The following ANO6 variants were observed in gnomAD, a reference collection of about 807,000 sequenced individuals.
ANO6 encodes the protein anoctamin 6, also known as anoctamin-6.
A neutral mutation model predicts 117.5 loss-of-function variants in ANO6; 106 were observed. That is an observed-to-expected ratio of 0.90 (90% CI 0.77 to 1.06). The LOEUF is 1.06. ANO6 is among the 50% of genes least tolerant of loss of function. The pLI, the probability that ANO6 is intolerant of heterozygous loss-of-function variation, is 0.00. For synonymous variants in ANO6, 367 were observed against 385.1 expected (o/e 0.95, Z 0.55); for missense variants, 955 against 1,121.1 (o/e 0.85, Z 2.12).
chr12:45,278,227 G>C (rs1309898925), intron 1 of ANO6, among the ~76,000 whole-genome samples: 1 of 152,290 alleles, frequency 6.6e-6, no homozygotes, highest in Non-Finnish European at 1.5e-5. Flanking sequence ...AGAGTGCTGG[G>C]ATTACAGGTG....
chr12:45,392,494 G>T (rs1215036761), intron 12 of ANO6, among the ~76,000 whole-genome samples: 2 of 152,244 alleles, frequency 1.3e-5, no homozygotes, highest in African/African-American at 4.8e-5. Flanking sequence ...GAAGAGAGCA[G>T]TGGTTCTCCC....
At chr12:45,239,717 A>T (rs1403422821) in intron 1 of ANO6, among the ~76,000 whole-genome samples, 1 of 152,064 alleles carries the variant, frequency 6.6e-6, no homozygotes, top group Non-Finnish European at 1.5e-5. Flanking sequence ...CACTGCTTTA[A>T]ATGTGTCCCA....
At chr12:45,289,170 C>CTTT (rs11410863) in intron 1 of ANO6, among the ~76,000 whole-genome samples, 11 of 135,684 alleles carry the variant, frequency 8.1e-5, no homozygotes, top group Non-Finnish European at 1.4e-4. Context: ...ATTATTATTA[C>CTTT]TTTTTTTTTT....
intron 2 of ANO6, among the ~76,000 whole-genome samples, chr12:45,320,524 G>A (rs1440232932): frequency 6.6e-6 from 1 of 152,172 alleles, no homozygotes; most frequent in African/African-American, 2.4e-5. Context: ...TTGCTGAGGA[G>A]TGCTTTACTT....
chr12:45,403,280 T>C, intron 14 of ANO6, 39 bp downstream of exon 14: 1 of 1,603,932 alleles, frequency 6.2e-7, no homozygotes, highest in South Asian at 1.1e-5. Context: ...CAGTTTAAGC[T>C]GAGTTTTCTC....
intron 9 of ANO6, among the ~76,000 whole-genome samples, chr12:45,373,100 C>T (rs1367718098): frequency 6.6e-6 from 1 of 151,820 alleles, no homozygotes; most frequent in South Asian, 2.1e-4. Context: ...CAACAAAGAT[C>T]AAAAGAGACA....
intron 3 of ANO6, among the ~76,000 whole-genome samples, chr12:45,340,157 A>C (rs2137426405): frequency 6.6e-6 from 1 of 152,256 alleles, no homozygotes; most frequent in East Asian, 1.9e-4. Context: ...GTAGGGATAG[A>C]AAGCTTCCTT....
At chr12:45,418,297 A>G (rs10506262) in intron 17 of ANO6, among the ~76,000 whole-genome samples, 25,939 of 152,076 alleles carry the variant, frequency 0.17, 3,224 homozygotes, top group East Asian at 0.45. Flanking sequence ...TATCTGTACT[A>G]TTTGGAGAAA....
chr12:45,345,523 A>T (rs17095779), intron 3 of ANO6, among the ~76,000 whole-genome samples: 3,195 of 152,274 alleles, frequency 0.021, 48 homozygotes, highest in South Asian at 0.045. Flanking sequence ...CTGCTGTGCT[A>T]AATATTCCAC....
chr12:45,370,866 C>A (rs370912941), intron 9 of ANO6, among the ~76,000 whole-genome samples: 1 of 152,102 alleles, frequency 6.6e-6, no homozygotes, highest in Non-Finnish European at 1.5e-5. Flanking sequence ...GCCAAGATGG[C>A]CGAATAGGAA....
At chr12:45,348,744 A>G in intron 6 of ANO6, 113 bp downstream of exon 6, 1 of 807,876 alleles carries the variant, frequency 1.2e-6, no homozygotes, top group Non-Finnish European at 2.2e-6. Flanking sequence ...AATGAAGGGA[A>G]CATACTGCAA....
intron 1 of ANO6, among the ~76,000 whole-genome samples, chr12:45,219,747 A>T (rs1398413636): frequency 6.6e-6 from 1 of 152,108 alleles, no homozygotes; most frequent in Non-Finnish European, 1.5e-5. Context: ...TGTTTGTTTA[A>T]GTTACAGCCA....
chr12:45,292,951 A>C (rs1206152785), intron 1 of ANO6: 1 of 1,551,056 alleles, frequency 6.4e-7, no homozygotes, highest in Non-Finnish European at 8.7e-7. Flanking sequence ...ACATGTTCCT[A>C]TTTGGTGAGT....
chr12:45,315,132 A>G (rs1381410639), intron 2 of ANO6, among the ~76,000 whole-genome samples: 2 of 152,072 alleles, frequency 1.3e-5, no homozygotes, highest in Non-Finnish European at 2.9e-5. Flanking sequence ...CATGGTGGAA[A>G]TGTTCTGCCT....
At chr12:45,258,483 A>G (rs1937913970) in intron 1 of ANO6, among the ~76,000 whole-genome samples, 2 of 151,960 alleles carry the variant, frequency 1.3e-5, no homozygotes, top group Admixed American at 6.6e-5. Flanking sequence ...CCTCTGGGAT[A>G]TGTCCACGTT....
At chr12:45,273,787 G>C (rs1938463145) in intron 1 of ANO6, among the ~76,000 whole-genome samples, 1 of 152,200 alleles carries the variant, frequency 6.6e-6, no homozygotes, top group South Asian at 2.1e-4. Context: ...AATCCTGAAG[G>C]AGGCTTGCCA....
intron 1 of ANO6, among the ~76,000 whole-genome samples, chr12:45,291,120 A>G (rs1043423348): frequency 3.3e-5 from 5 of 152,182 alleles, no homozygotes; most frequent in Non-Finnish European, 5.9e-5. Context: ...CCCACCTCAC[A>G]TCACAGACAA....
chr12:45,395,666 G>A (rs1277638651), intron 12 of ANO6, among the ~76,000 whole-genome samples: 1 of 152,174 alleles, frequency 6.6e-6, no homozygotes, highest in African/African-American at 2.4e-5. Flanking sequence ...CTTCATCCCT[G>A]GGATGCAAGG....
intron 2 of ANO6, among the ~76,000 whole-genome samples, chr12:45,328,404 T>C (rs543113661): frequency 1.1e-4 from 16 of 152,238 alleles, no homozygotes; most frequent in Admixed American, 2.6e-4. Flanking sequence ...TTGAACTTTG[T>C]AGTTTGCATT....
Sources: allele counts gnomAD v4.1 joint callset (sites outside exome capture counted in the v4.1 genomes callset), GRCh38; gene constraint gnomAD v4.1.1; transcripts MANE v1.5; gene names NCBI Gene and HGNC (gene_info 2026-07-23, HGNC 2026-07-21).